The following SIL1 variants were observed in gnomAD, a reference collection of about 807,000 sequenced individuals.
SIL1 encodes the protein SIL1 nucleotide exchange factor.
SIL1 carries 40 observed loss-of-function variants against 49.1 expected under a neutral mutation model. The ratio of observed to expected loss-of-function variants is 0.81; its 90% CI spans 0.63 to 1.06. SIL1 has a LOEUF of 1.06. Ranked by LOEUF, SIL1 falls within the 50% of genes least tolerant of loss-of-function variation. SIL1 has a pLI of 0.00. For synonymous variants in SIL1, 253 were observed against 250.8 expected, an observed-to-expected ratio of 1.01 and a Z score of -0.08; for missense variants, 500 against 572.6, an observed-to-expected ratio of 0.87 and a Z score of 1.29.
chr5:139,123,622 A>T (rs1396280566), intron 2 of SIL1, among the ~76,000 whole-genome samples: 1 of 152,150 alleles, frequency 6.6e-6, no homozygotes, highest in Non-Finnish European at 1.5e-5. Context: ...GGACCAGGAG[A>T]AAGTTAATAA....
At chr5:138,997,461 C>T (rs1347806631) in intron 7 of SIL1, among the ~76,000 whole-genome samples, 1 of 152,090 alleles carries the variant, frequency 6.6e-6, no homozygotes, top group Non-Finnish European at 1.5e-5. Context: ...GGATTTACAC[C>T]TGGGTTCTGG....
At chr5:138,974,115 A>G (rs984200773) in intron 7 of SIL1, among the ~76,000 whole-genome samples, 1 of 152,052 alleles carries the variant, frequency 6.6e-6, no homozygotes. Flanking sequence ...ATTTTAAAAG[A>G]CTCCAGGATA....
intron 7 of SIL1, among the ~76,000 whole-genome samples, chr5:138,963,115 T>A (rs532235114): frequency 6.6e-6 from 1 of 152,190 alleles, no homozygotes; most frequent in Non-Finnish European, 1.5e-5. Context: ...TATACTCAGT[T>A]GGTGGTATAA....
intron 4 of SIL1, among the ~76,000 whole-genome samples, chr5:139,046,634 C>T (rs1581056461): frequency 6.6e-6 from 1 of 152,080 alleles, no homozygotes; most frequent in African/African-American, 2.4e-5. Flanking sequence ...TCTTTTTGTC[C>T]ATATCATCCT....
intron 1 of SIL1, among the ~76,000 whole-genome samples, chr5:139,134,439 T>TC (rs1305043097): frequency 1.3e-5 from 2 of 152,040 alleles, no homozygotes; most frequent in Non-Finnish European, 2.9e-5. Context: ...CCCGGCCCAC[T>TC]CCATCATTGG....
intron 3 of SIL1, among the ~76,000 whole-genome samples, chr5:139,089,988 A>G (rs775731947): frequency 6.6e-6 from 1 of 152,184 alleles, no homozygotes; most frequent in Admixed American, 6.5e-5. Context: ...GAAAAAGAAT[A>G]AAGAAAAACT....
rs762842893 is a variant in SIL1 at position 139,127,764 on chromosome 5, G to A, written c.80C>T (p.Thr27Ile). The change falls in exon 2 of 10, where the codon ACC becomes ATC. Residue 27 changes from threonine to isoleucine, a missense_variant. Physicochemically the swap from Thr to Ile is moderately conservative, Grantham distance 89. Coordinates refer to ENST00000394817, the MANE Select transcript of SIL1 (RefSeq NM_022464.5). ...CAGGTTCTGATGACTGAGGCAGAAG[G>A]TGAAGCAGGCGGCCATCAGCAGCCC... ...LLGLLMAACF[T>I]FCLSHQNLKE... is the part of the protein sequence containing the mutation. The A allele has an allele frequency of 6.2e-7, 1 of 1,611,026 alleles. No homozygotes were observed. Among genetic ancestry groups the A allele is most frequent in the Non-Finnish European group, 8.5e-7 (1 of 1,179,484 alleles).
intron 1 of SIL1, chr5:139,137,299 G>A (rs1443985306): frequency 2.6e-5 from 18 of 702,384 alleles, no homozygotes; most frequent in South Asian, 2.5e-4. Context: ...TTACCCATGA[G>A]GGGACCAAAA....
intron 3 of SIL1, among the ~76,000 whole-genome samples, chr5:139,074,952 G>GT (rs1769915218): frequency 6.6e-6 from 1 of 152,102 alleles, no homozygotes; most frequent in Non-Finnish European, 1.5e-5. Context: ...AGCCTCCTGA[G>GT]TAGCTGGGAT....
intron 3 of SIL1, among the ~76,000 whole-genome samples, chr5:139,058,976 G>GTGTATGTGTGTGTA (rs2150463007): frequency 6.6e-6 from 1 of 152,118 alleles, no homozygotes; most frequent in African/African-American, 2.4e-5. Context: ...GTGTATGTGT[G>GTGTATGTGTGTGTA]TGTGTGTGTG....
intron 4 of SIL1, among the ~76,000 whole-genome samples, chr5:139,050,489 T>A (rs1235879403): frequency 6.6e-6 from 1 of 152,254 alleles, no homozygotes; most frequent in Non-Finnish European, 1.5e-5. Flanking sequence ...TAAGAAGGCC[T>A]GTTTTAATAC....
intron 4 of SIL1, among the ~76,000 whole-genome samples, chr5:139,048,961 C>T (rs1769229636): frequency 6.6e-6 from 1 of 152,174 alleles, no homozygotes; most frequent in Non-Finnish European, 1.5e-5. Flanking sequence ...GTAAGGAGAA[C>T]AAATGCCTCT....
chr5:139,074,552 A>C (rs1769902878), intron 3 of SIL1, among the ~76,000 whole-genome samples: 1 of 152,252 alleles, frequency 6.6e-6, no homozygotes, highest in Admixed American at 6.5e-5. Flanking sequence ...GCACAAATGC[A>C]AATCAACGAA....
At chr5:139,135,635 G>A (rs1750958301) in intron 1 of SIL1, among the ~76,000 whole-genome samples, 2 of 151,216 alleles carry the variant, frequency 1.3e-5, no homozygotes, top group Admixed American at 1.3e-4. Context: ...TCCCAGAGGT[G>A]GAACACGACC....
intron 1 of SIL1, chr5:139,137,300 G>A: frequency 2.8e-6 from 2 of 702,318 alleles, no homozygotes; most frequent in Non-Finnish European, 5.2e-6. Flanking sequence ...TACCCATGAG[G>A]GGACCAAAAT....
intron 7 of SIL1, among the ~76,000 whole-genome samples, chr5:138,978,061 G>C (rs1767430148): frequency 1.3e-5 from 2 of 152,130 alleles, no homozygotes; most frequent in Non-Finnish European, 2.9e-5. Flanking sequence ...ACTTAAAAAT[G>C]CTTTATTGAG....
chr5:139,006,363 A>G (rs1341298587), intron 7 of SIL1, among the ~76,000 whole-genome samples: 2 of 60,724 alleles, frequency 3.3e-5, no homozygotes, highest in Non-Finnish European at 6.4e-5. Context: ...GCCCTTTGTC[A>G]GATGAGTAGG....
intron 3 of SIL1, among the ~76,000 whole-genome samples, chr5:139,110,980 A>G (rs1770826713): frequency 6.6e-6 from 1 of 152,160 alleles, no homozygotes; most frequent in Non-Finnish European, 1.5e-5. Flanking sequence ...CTGTCCACCT[A>G]TGTATGCACT....
intron 4 of SIL1, among the ~76,000 whole-genome samples, chr5:139,049,429 G>A (rs980153515): frequency 1.3e-5 from 2 of 152,056 alleles, no homozygotes; most frequent in Non-Finnish European, 1.5e-5. Flanking sequence ...CGCCGGCCTC[G>A]GCCTCCCAAA....
Sources: allele counts gnomAD v4.1 joint callset (sites outside exome capture counted in the v4.1 genomes callset), GRCh38; gene constraint gnomAD v4.1.1; transcripts MANE v1.5; gene names NCBI Gene and HGNC (gene_info 2026-07-23, HGNC 2026-07-21).